The following NUSAP1 variants were observed in gnomAD, a reference collection of about 807,000 sequenced individuals.
NUSAP1 encodes nucleolar and spindle-associated protein 1.
A neutral mutation model predicts 52.8 loss-of-function variants in NUSAP1; 32 were observed. The ratio of observed to expected loss-of-function variants is 0.61; its 90% CI spans 0.46 to 0.81. The LOEUF is 0.81. Among genes scored for constraint, NUSAP1 ranks in the 40% least tolerant of loss-of-function variants. The pLI is 0.00. For missense variants in NUSAP1, 499 were observed against 522.3 expected (o/e 0.96, Z 0.43); for synonymous variants, 195 against 183.1 (o/e 1.06, Z -0.52).
At chr15:41,336,648 GTTTTTTT>G (rs75426159) in intron 1 of NUSAP1, among the ~76,000 whole-genome samples, 1 of 91,372 alleles carries the variant, frequency 1.1e-5, no homozygotes, top group East Asian at 2.4e-4. Flanking sequence ...CCTCCTTTTG[GTTTTTTT>G]TTTTTTTTTT....
intron 2 of NUSAP1, among the ~76,000 whole-genome samples, chr15:41,346,334 T>A (rs1451317250): frequency 6.6e-6 from 1 of 151,984 alleles, no homozygotes; most frequent in Non-Finnish European, 1.5e-5. Context: ...ATTTTTGAGA[T>A]GGGGTCTCAC....
At chr15:41,335,629 ATATAC>A (rs1057213675) in intron 1 of NUSAP1, among the ~76,000 whole-genome samples, 10 of 139,440 alleles carry the variant, frequency 7.2e-5, no homozygotes, top group African/African-American at 2.6e-4. Context: ...TATATACTAA[ATATAC>A]TATATATAAA....
chr15:41,380,237 T>C lies in NUSAP1; in HGVS notation c.*51T>C. ...TCCTGTATTCTCAACTTTTTTCCTT[T>C]TGTAAATTTTTTTTTTTTGCTGTCA... On this transcript the variant is annotated 3_prime_UTR_variant, in exon 11 of 11. Transcript: ENST00000559596. 1 of 1,372,232 alleles carries C rather than the reference T, an allele frequency of 7.3e-7. No homozygotes were observed. The highest frequency in any genetic ancestry group is 9.9e-7 in the Non-Finnish European group (1 of 1,011,592). The allele number at this position is 1,372,232 out of a possible 1,614,324, so 85.0% of individuals were successfully genotyped here.
chr15:41,344,109 C>T (rs995803394), intron 2 of NUSAP1: 1 of 149,458 alleles, frequency 6.7e-6, no homozygotes, highest in African/African-American at 2.5e-5. Flanking sequence ...CCCAGTTACT[C>T]AGGAGGCTGA....
chr15:41,354,148 G>A (rs149352614), intron 4 of NUSAP1, among the ~76,000 whole-genome samples: 8 of 152,328 alleles, frequency 5.3e-5, no homozygotes, highest in Middle Eastern at 3.4e-3. Context: ...GGCTGAAGCA[G>A]AAGTATCACT....
intron 7 of NUSAP1, 158 bp downstream of exon 7, chr15:41,365,747 G>A: frequency 2.4e-6 from 1 of 414,844 alleles, no homozygotes; most frequent in Non-Finnish European, 4.0e-6. Flanking sequence ...TTGAGATGAG[G>A]TCTCGCTCTG....
At chr15:41,337,203 G>A (rs2048189620) in intron 1 of NUSAP1, among the ~76,000 whole-genome samples, 1 of 151,740 alleles carries the variant, frequency 6.6e-6, no homozygotes. Context: ...AATTTTAGTA[G>A]AGATGAGGTC....
intron 8 of NUSAP1, among the ~76,000 whole-genome samples, 158 bp from the exon 9 acceptor site, chr15:41,375,554 G>A (rs554942682): frequency 1.3e-5 from 2 of 151,946 alleles, no homozygotes; most frequent in African/African-American, 2.4e-5. Flanking sequence ...CTCGTGATCC[G>A]CCCACCTCGG....
At chr15:41,334,108 TTA>T (rs2048027659) in intron 1 of NUSAP1, among the ~76,000 whole-genome samples, 1 of 143,976 alleles carries the variant, frequency 6.9e-6, no homozygotes, top group African/African-American at 2.5e-5. Flanking sequence ...AATTTTTTTT[TTA>T]TTTGTTTGTT....
intron 9 of NUSAP1, 48 bp from the exon 10 acceptor site, chr15:41,377,148 A>G (rs1324677821): frequency 1.0e-6 from 1 of 985,908 alleles, no homozygotes; most frequent in Non-Finnish European, 1.5e-6. Flanking sequence ...AGTTGGGAAT[A>G]TAAATCAAAC....
chr15:41,372,092 C>T (rs906554563), intron 8 of NUSAP1, among the ~76,000 whole-genome samples: 1 of 152,068 alleles, frequency 6.6e-6, no homozygotes, highest in Non-Finnish European at 1.5e-5. Context: ...TAAACCCTTT[C>T]CATTTCTATA....
chr15:41,358,733 C>CA (rs916998235), intron 6 of NUSAP1, among the ~76,000 whole-genome samples: 1 of 150,238 alleles, frequency 6.7e-6, no homozygotes, highest in Non-Finnish European at 1.5e-5. Flanking sequence ...GACTCCGTCT[C>CA]AAAAAAAAAG....
intron 9 of NUSAP1, among the ~76,000 whole-genome samples, chr15:41,376,185 C>G (rs189061774): frequency 1.3e-5 from 2 of 151,266 alleles, no homozygotes; most frequent in African/African-American, 4.9e-5. Flanking sequence ...CACTTGAGGT[C>G]AGGAGTTCGA....
chr15:41,378,944 G>GATTTTTTTTTTTTT (rs1253258207), intron 10 of NUSAP1, among the ~76,000 whole-genome samples: 2 of 63,270 alleles, frequency 3.2e-5, no homozygotes, highest in African/African-American at 7.0e-5. Flanking sequence ...ACTTATCTTG[G>GATTTTTTTTTTTTT]TTTTTTTTTT....
rs2048650290 is a variant in NUSAP1, at chr15:41,348,139, A to AAAGT, written c.163-956_163-955insTAAG. On this transcript the variant is annotated intron_variant, in intron 2 of 10. Transcript: ENST00000559596. Reference sequence around the variant, plus strand: ...CCTTGTCTCTAAAAAAGAAAGAAAGAAAGAAAAAGATGACCCTAAAGGAAA... The same window carrying AAAGT: ...CCTTGTCTCTAAAAAAGAAAGAAAGAAAGTAAGAAAAAGATGACCCTAAAGGAAA... 2.0e-5 allele frequency among the ~76,000 whole-genome samples: 3 copies of AAAGT among 152,142 alleles called. 1 individual carries two copies. The highest frequency in any genetic ancestry group is 2.0e-4 in the Admixed American group (3 of 15,254).
chr15:41,347,063 T>C (rs1197049018), intron 2 of NUSAP1, among the ~76,000 whole-genome samples: 1 of 151,970 alleles, frequency 6.6e-6, no homozygotes, highest in Non-Finnish European at 1.5e-5. Context: ...TCCCAGCTAG[T>C]CATAAGGCTG....
intron 4 of NUSAP1, among the ~76,000 whole-genome samples, chr15:41,355,091 C>G (rs2048916536): frequency 6.6e-6 from 1 of 151,992 alleles, no homozygotes; most frequent in South Asian, 2.1e-4. Context: ...CTCAAGCCAT[C>G]CACCCACCTC....
chr15:41,369,590 G>A (rs2049575569), intron 7 of NUSAP1, among the ~76,000 whole-genome samples: 1 of 151,814 alleles, frequency 6.6e-6, no homozygotes, highest in South Asian at 2.1e-4. Flanking sequence ...GGAGGTTTCA[G>A]TGAGCCAAGA....
chr15:41,370,337 G>A (rs113752045), intron 7 of NUSAP1, among the ~76,000 whole-genome samples: 3,752 of 152,152 alleles, frequency 0.025, 70 homozygotes, highest in Non-Finnish European at 0.039. Flanking sequence ...AGCTGAGATC[G>A]CACCACTGCC....
Sources: gnomAD v4.1 joint callset for allele counts (sites outside exome capture counted in the v4.1 genomes callset) on GRCh38, gnomAD v4.1.1 for gene constraint, MANE v1.5 for transcripts, NCBI Gene and HGNC (gene_info 2026-07-23, HGNC 2026-07-21) for gene names.